Variants in RANBP17 observed in about 807,000 individuals in gnomAD.
RANBP17 encodes the protein RAN binding protein 17.
A neutral mutation model predicts 141.2 loss-of-function variants in RANBP17; 158 were observed. The ratio of observed to expected loss-of-function variants is 1.12; its 90% CI spans 0.98 to 1.28. The LOEUF (loss-of-function observed/expected upper bound fraction) is 1.28. Ranked by LOEUF, RANBP17 falls within the 50% of genes most tolerant of loss-of-function variation. RANBP17 has a pLI of 0.00. For synonymous variants in RANBP17, 430 were observed against 450.0 expected (o/e 0.96, Z 0.56); for missense variants, 1,438 against 1,290.7 (o/e 1.11, Z -1.75).
intron 12 of RANBP17, among the ~76,000 whole-genome samples, chr5:170,952,319 C>G (rs765279217): frequency 6.6e-6 from 1 of 151,924 alleles, no homozygotes; most frequent in Non-Finnish European, 1.5e-5. Flanking sequence ...AATTAGTGTT[C>G]TTACTCTCCT....
At chr5:171,059,148 G>A (rs1056382319) in intron 14 of RANBP17, among the ~76,000 whole-genome samples, 8 of 151,958 alleles carry the variant, frequency 5.3e-5, no homozygotes, top group Non-Finnish European at 7.4e-5. Context: ...CTTTCACTGT[G>A]CAGAAGCTCT....
At chr5:170,986,896 T>G (rs1258348067) in intron 14 of RANBP17, among the ~76,000 whole-genome samples, 2 of 151,830 alleles carry the variant, frequency 1.3e-5, no homozygotes, top group Non-Finnish European at 2.9e-5. Flanking sequence ...GAAAAACATT[T>G]CATGATAGTA....
rs376001681 is a variant in RANBP17, at chr5:171,268,656, C to A, written c.2943+2809C>A. ...ATCACTGACTTAAAGCATGTCCACA[C>A]TGAAGAAAAAAAAAAAATTCATGGA... On this transcript the variant is annotated intron_variant, in intron 25 of 27. Transcript: ENST00000523189. Among the ~76,000 whole-genome samples, 27 of 151,610 alleles carry A rather than the reference C, an allele frequency of 1.8e-4. No homozygotes were observed. The East Asian group carries it at 4.8e-3, about 27-fold the overall frequency.
rs563586465 is a variant in RANBP17, at chr5:171,219,948, G to A, written c.2340-1810G>A. On this transcript the variant is annotated intron_variant, in intron 21 of 27. Coordinates refer to ENST00000523189, the MANE Select transcript of RANBP17 (RefSeq NM_022897.5). ...TTTGTGCCCTTGCTGGAGAGGAGCT[G>A]TGATCATTTGGAGGAGAAGAGGCAT... is the stretch of plus-strand genomic sequence containing the variant. Among the ~76,000 whole-genome samples the A allele has an allele frequency of 2.6e-5, 4 of 152,108 alleles. No homozygotes were observed. In the Middle Eastern group the frequency reaches 0.01, roughly 388 times the overall value.
At chr5:171,000,694 G>C (rs1779142186) in intron 14 of RANBP17, among the ~76,000 whole-genome samples, 1 of 152,160 alleles carries the variant, frequency 6.6e-6, no homozygotes, top group African/African-American at 2.4e-5. Flanking sequence ...AAAGCTTGGT[G>C]GGATTATCAT....
At chr5:170,997,421 C>A (rs1037472153) in intron 14 of RANBP17, among the ~76,000 whole-genome samples, 4 of 152,136 alleles carry the variant, frequency 2.6e-5, no homozygotes, top group Non-Finnish European at 4.4e-5. Flanking sequence ...TTTTAACAAG[C>A]ACTTCTGGTA....
intron 14 of RANBP17, among the ~76,000 whole-genome samples, chr5:170,987,696 CTT>C (rs1261807414): frequency 1.3e-5 from 2 of 151,610 alleles, no homozygotes; most frequent in African/African-American, 4.8e-5. Flanking sequence ...TTAAAAACGT[CTT>C]TGCTGTATAA....
At chr5:171,143,257 A>T (rs1438874935) in intron 14 of RANBP17, 1 of 152,234 alleles carries the variant, frequency 6.6e-6, no homozygotes, top group African/African-American at 2.4e-5. Context: ...ATGTGTTGCT[A>T]TGAAACACTA....
intron 5 of RANBP17, among the ~76,000 whole-genome samples, chr5:170,908,274 C>T (rs1425740420): frequency 6.6e-6 from 1 of 151,810 alleles, no homozygotes; most frequent in Non-Finnish European, 1.5e-5. Context: ...AGCCTTGGTA[C>T]CCATTGACGG....
intron 5 of RANBP17, among the ~76,000 whole-genome samples, chr5:170,905,712 T>G (rs1771021869): frequency 6.6e-6 from 1 of 152,074 alleles, no homozygotes; most frequent in Admixed American, 6.5e-5. Flanking sequence ...AGCTTCCTTC[T>G]AAAAAAGTAC....
chr5:170,898,362 A>G (rs1554130684), intron 5 of RANBP17, among the ~76,000 whole-genome samples: 3 of 151,360 alleles, frequency 2.0e-5, no homozygotes, highest in Non-Finnish European at 4.4e-5. Context: ...TCCTTTGCCC[A>G]CTTTGTGATG....
rs1395845630 is a variant in RANBP17, at chr5:171,265,697, C to T, written c.2793C>T (p.Ser931=). 12 of 1,612,658 alleles carry T rather than the reference C, an allele frequency of 7.4e-6. No individual in the cohort carries two copies. The highest frequency in any genetic ancestry group is 1.3e-5 in the African/African-American group (1 of 74,852). The stretch of plus-strand genomic sequence containing the variant: ...TTTGTACAGATACAGTTGTCTCCTC[C>T]AGCTGCTGTACCAGTTTAGACTACA... ...GLTTLDTVVS[S]SCCTSLDYIV... is the part of the protein sequence containing the mutation. Residue 931 remains serine, a synonymous_variant, in exon 25 of 28, where the codon TCC becomes TCT. Transcript: ENST00000523189.
chr5:171,235,389 G>GCAAA (rs1002257095), intron 22 of RANBP17, among the ~76,000 whole-genome samples: 23 of 149,848 alleles, frequency 1.5e-4, no homozygotes, highest in Admixed American at 1.3e-3. Context: ...TGAGCCAATA[G>GCAAA]CAAACAAACA....
intron 5 of RANBP17, among the ~76,000 whole-genome samples, chr5:170,902,106 T>G (rs971100778): frequency 5.3e-5 from 8 of 152,226 alleles, no homozygotes; most frequent in South Asian, 4.1e-4. Flanking sequence ...GATAATATCC[T>G]GAAGTGTGTT....
At chr5:171,015,512 C>T (rs1236439134) in intron 14 of RANBP17, among the ~76,000 whole-genome samples, 1 of 152,004 alleles carries the variant, frequency 6.6e-6, no homozygotes, top group Non-Finnish European at 1.5e-5. Context: ...TTCTATGTCT[C>T]TAAATATATT....
intron 14 of RANBP17, among the ~76,000 whole-genome samples, chr5:171,143,780 A>G (rs1235996119): frequency 6.6e-6 from 1 of 152,260 alleles, no homozygotes; most frequent in East Asian, 1.9e-4. Flanking sequence ...AGAGGTCAAG[A>G]GAAGCATCCT....
At chr5:170,930,483 C>T (rs750282354) in intron 12 of RANBP17, among the ~76,000 whole-genome samples, 1 of 151,666 alleles carries the variant, frequency 6.6e-6, no homozygotes, top group Non-Finnish European at 1.5e-5. Flanking sequence ...CATATGTATA[C>T]ATGTGCCATG....
rs574809155 is a variant in RANBP17, at chr5:170,956,853, C to T, written c.1574+3151C>T. 4.6e-5 allele frequency among the ~76,000 whole-genome samples: 7 copies of T among 151,766 alleles called. No individual in the cohort carries two copies. In the South Asian group the frequency reaches 6.3e-4, roughly 14 times the overall value. ...TTGGGAGGCCAAGGTGGGCGGATCA[C>T]GAGGTCAGGAGATCGAGACCATCCT... On this transcript the variant is annotated intron_variant, in intron 13 of 27. Coordinates refer to ENST00000523189, the MANE Select transcript of RANBP17 (RefSeq NM_022897.5).
chr5:171,043,623 T>C (rs1782388563), intron 14 of RANBP17, among the ~76,000 whole-genome samples: 1 of 152,152 alleles, frequency 6.6e-6, no homozygotes, highest in Admixed American at 6.6e-5. Flanking sequence ...TTAGTGAACA[T>C]GTTTGTCTAA....
Sources: allele counts gnomAD v4.1 joint callset (sites outside exome capture counted in the v4.1 genomes callset), GRCh38; gene constraint gnomAD v4.1.1; transcripts MANE v1.5; gene names NCBI Gene and HGNC (gene_info 2026-07-23, HGNC 2026-07-21).